DHX8: variants seen among roughly 807,000 people sequenced by gnomAD.
DHX8 encodes the protein ATP-dependent RNA helicase DHX8.
In DHX8, 67 loss-of-function variants were observed where a neutral mutation model predicts 140.7. The ratio of observed to expected loss-of-function variants is 0.48; its 90% CI spans 0.39 to 0.58. The LOEUF is 0.58. DHX8 is among the 20% of genes least tolerant of loss of function. DHX8 has a pLI of 0.00. For missense variants in DHX8, 887 were observed against 1,550.7 expected (o/e 0.57, Z 7.19); for synonymous variants, 533 against 553.2 (o/e 0.96, Z 0.51).
intron 8 of DHX8, among the ~76,000 whole-genome samples, chr17:43,495,262 TGA>T (rs1052258475): frequency 1.3e-5 from 2 of 152,084 alleles, no homozygotes; most frequent in African/African-American, 4.8e-5. Context: ...CAAATAATTG[TGA>T]GGGGTTACAT....
chr17:43,493,908 G>C (rs370666957), intron 8 of DHX8, 22 bp downstream of exon 8: 1 of 1,612,936 alleles, frequency 6.2e-7, no homozygotes, highest in Non-Finnish European at 8.5e-7. Flanking sequence ...TAGTTTTCAT[G>C]ACCAGATAGT....
At chr17:43,530,607 C>CGTGTGTGTGT (rs1414343747), downstream of DHX8, among the ~76,000 whole-genome samples, 33 of 138,736 alleles carry the variant, frequency 2.4e-4, no homozygotes, top group African/African-American at 8.0e-4. Flanking sequence ...TGTGCACGCG[C>CGTGTGTGTGT]GCGTGTGTGT....
rs1968440057 is a variant in DHX8, at chr17:43,490,409, T to C, written c.253T>C (p.Leu85=). 1.2e-6 allele frequency: 2 copies of C among 1,613,588 alleles called. No individual in the cohort carries two copies. Among genetic ancestry groups the C allele is most frequent in the South Asian group, 2.2e-5 (2 of 90,958 alleles). Reference sequence around the variant, plus strand: ...TTCAAAGGATTCTCTTATTAGTAACTTGCTGCGTCTCATACAAACCATGCG... The same window carrying C: ...TTCAAAGGATTCTCTTATTAGTAACCTGCTGCGTCTCATACAAACCATGCG... The part of the protein sequence containing the change: ...AEFTDSLISN[L]LRLIQTMRPP... Residue 85 remains leucine, a synonymous_variant, in exon 3 of 23, where the codon TTG becomes CTG. Transcript: ENST00000262415.
downstream of DHX8, among the ~76,000 whole-genome samples, chr17:43,531,110 C>A (rs1970910585): frequency 6.6e-6 from 1 of 152,204 alleles, no homozygotes; most frequent in African/African-American, 2.4e-5. Context: ...ACAGGAGCAC[C>A]ATCCGGTTCT....
intron 3 of DHX8, among the ~76,000 whole-genome samples, chr17:43,541,321 A>G (rs1460329221): frequency 6.6e-6 from 1 of 152,202 alleles, no homozygotes; most frequent in East Asian, 1.9e-4. Flanking sequence ...TCTTAAGTGT[A>G]CACCACTCTC....
intron 9 of DHX8, among the ~76,000 whole-genome samples, chr17:43,497,776 A>G (rs1968949422): frequency 1.3e-5 from 2 of 152,088 alleles, no homozygotes; most frequent in South Asian, 4.1e-4. Context: ...ATTACTGGGT[A>G]GTAAGAAATG....
chr17:43,505,337 A>G (rs1048571409), intron 12 of DHX8, among the ~76,000 whole-genome samples: 2 of 152,066 alleles, frequency 1.3e-5, no homozygotes, highest in African/African-American at 2.4e-5. Context: ...TGAATCAGGG[A>G]GTCGGAGGTT....
rs984786937 is a variant in DHX8, at chr17:43,525,024, C to T, written c.*1177C>T. 4.1e-5 allele frequency: 40 copies of T among 984,830 alleles called. No individual in the cohort carries two copies. The highest frequency in any genetic ancestry group is 6.2e-5 in the Admixed American group (1 of 16,244). 61.0% of individuals were successfully genotyped at this position (984,830 alleles called of 1,614,324 possible). Reference sequence around the variant, plus strand: ...GCCCAGGCTGCTCTCCAATCCCTGGCGTCAAGCAATCCTCCTGCCTCTGCC... The same window carrying T: ...GCCCAGGCTGCTCTCCAATCCCTGGTGTCAAGCAATCCTCCTGCCTCTGCC... On this transcript the variant is annotated 3_prime_UTR_variant, in exon 23 of 23. Transcript: ENST00000262415.
chr17:43,522,473 G>A (rs1347784260), intron 22 of DHX8, among the ~76,000 whole-genome samples: 1 of 152,136 alleles, frequency 6.6e-6, no homozygotes, highest in Non-Finnish European at 1.5e-5. Context: ...TAGTGGCCAG[G>A]CACAGTGGCT....
intron 1 of DHX8, among the ~76,000 whole-genome samples, chr17:43,484,895 G>A (rs918741625): frequency 7.9e-5 from 12 of 152,062 alleles, no homozygotes; most frequent in Non-Finnish European, 1.5e-4. Flanking sequence ...CTCTTCCCTC[G>A]GCCTCCCAAA....
At chr17:43,528,750 GGA>G (rs749592122), downstream of DHX8, 7 of 1,612,452 alleles carry the variant, frequency 4.3e-6, no homozygotes, top group African/African-American at 9.3e-5. Flanking sequence ...CCACCTATGG[GGA>G]GAGAGAAGGT....
chr17:43,523,981 A>G lies in DHX8; in HGVS notation c.*134A>G. 4 of 1,454,886 alleles carry G rather than the reference A, an allele frequency of 2.7e-6. No homozygotes were observed. Among genetic ancestry groups the G allele is most frequent in the Non-Finnish European group, 2.7e-6 (3 of 1,106,840 alleles). 90.1% of individuals were successfully genotyped at this position (1,454,886 alleles called of 1,614,324 possible). A position where few individuals can be genotyped will look rare whatever the true frequency, so the allele number is the denominator to read the frequency against. ...TGAGCATTTTCTCAACTCGACTCTC[A>G]TTTCTTCCCTGCTGGTAAAATAGAA... On this transcript the variant is annotated 3_prime_UTR_variant, in exon 23 of 23. Coordinates refer to ENST00000262415, the MANE Select transcript of DHX8 (RefSeq NM_004941.3).
Position 43,492,991 on chromosome 17 carries a change from G to A in DHX8, c.814G>A (p.Val272Ile), listed in dbSNP as rs144158744. 2 of 1,614,236 alleles carry A rather than the reference G, an allele frequency of 1.2e-6. No individual in the cohort carries two copies. The highest frequency in any genetic ancestry group is 2.7e-5 in the African/African-American group (2 of 75,072). ...CATTGGTGACATTTATAATGGCAAA[G>A]TTACCAGCATCATGCAGTTTGGTTG... ...PTIGDIYNGK[V>I]TSIMQFGCFV... Residue 272 changes from valine (V) to isoleucine (I), a missense_variant, in exon 6 of 23, where the codon GTT becomes ATT. Transcript: ENST00000262415.
In DHX8 at chr17:43,499,975, C is replaced by T; in HGVS notation, c.1418C>T (p.Ser473Phe). The T allele has an allele frequency of 6.2e-7, 1 of 1,614,110 alleles. No homozygotes were observed. Residue 473 changes from serine to phenylalanine, a missense_variant, in exon 11 of 23, where the codon TCC becomes TTC. By Grantham distance (155) the Ser-to-Phe change is radical (BLOSUM62 -2). Transcript: ENST00000262415. ...CACCAGAACCCAGACGGCTCCCTCTCCCAAGCAGCAATGATGCAGAGTGCC... is the reference window on the plus strand; with the variant it reads ...CACCAGAACCCAGACGGCTCCCTCTTCCAAGCAGCAATGATGCAGAGTGCC... ...KIVKNPDGSL[S>F]QAAMMQSALA... is the part of the protein sequence containing the mutation.
intron 16 of DHX8, among the ~76,000 whole-genome samples, chr17:43,509,291 C>T (rs1301286835): frequency 2.0e-5 from 3 of 152,154 alleles, no homozygotes; most frequent in Admixed American, 6.6e-5. Flanking sequence ...ACAGAACTAT[C>T]TGTGATGGCC....
At position 43,484,118 on chromosome 17, in the gene DHX8, C is replaced by T; in HGVS notation, c.81C>T (p.Tyr27=). ...GPAEELAKLE[Y]LSLVSKVCTE... is the part of the protein sequence containing the mutation. The stretch of plus-strand genomic sequence containing the variant: ...CGGAAGAACTTGCCAAACTCGAGTA[C>T]CTGTCTTTGGTGTCAAAGGTTTGCA... The change falls in exon 1 of 23, where the codon TAC becomes TAT. Residue 27 remains tyrosine (Y), a synonymous_variant. Transcript: ENST00000262415. The T allele has an allele frequency of 6.2e-7, 1 of 1,614,138 alleles. No homozygotes were observed. Among genetic ancestry groups the T allele is most frequent in the Non-Finnish European group, 8.5e-7 (1 of 1,180,030 alleles).
At chr17:43,488,594 G>C (rs576868369) in intron 1 of DHX8, among the ~76,000 whole-genome samples, 1 of 150,140 alleles carries the variant, frequency 6.7e-6, no homozygotes, top group South Asian at 2.1e-4. Context: ...CTGGGCGACA[G>C]AGCCAGACTC....
At chr17:43,498,750 G>A (rs1053443295) in intron 9 of DHX8, 112 bp from the exon 10 acceptor site, 2 of 802,986 alleles carry the variant, frequency 2.5e-6, no homozygotes, top group South Asian at 3.5e-5. Flanking sequence ...TGCCCCACCA[G>A]GGGAAGCTGT....
chr17:43,532,514 G>T (rs1970996465), intron 2 of DHX8, among the ~76,000 whole-genome samples: 1 of 151,818 alleles, frequency 6.6e-6, no homozygotes, highest in South Asian at 2.1e-4. Context: ...AAAAGAAAAA[G>T]AAAGAAAAAT....
Sources: allele counts gnomAD v4.1 joint callset (sites outside exome capture counted in the v4.1 genomes callset), GRCh38; gene constraint gnomAD v4.1.1; transcripts MANE v1.5; gene names NCBI Gene and HGNC (gene_info 2026-07-23, HGNC 2026-07-21).